Variants in SGCZ observed in about 807,000 individuals in gnomAD.
SGCZ encodes the protein zeta-sarcoglycan.
Under a neutral mutation model 41.3 loss-of-function variants are expected in SGCZ, and 40 were observed. That is an observed-to-expected ratio of 0.97 (90% CI 0.75 to 1.26). The LOEUF is 1.26. SGCZ is among the 50% of genes most tolerant of loss of function. The pLI, the probability that SGCZ is intolerant of heterozygous loss-of-function variation, is 0.00. For missense variants in SGCZ, 552 were observed against 369.8 expected (o/e 1.49, Z -4.04); for synonymous variants, 206 against 137.5 (o/e 1.50, Z -3.49).
At chr8:14,942,439 A>G (rs1056987948) in intron 1 of SGCZ, among the ~76,000 whole-genome samples, 3 of 152,150 alleles carry the variant, frequency 2.0e-5, no homozygotes, top group African/African-American at 4.8e-5. Context: ...TTAACAAACT[A>G]AAGAAATTGT....
intron 1 of SGCZ, among the ~76,000 whole-genome samples, chr8:14,702,177 T>C (rs1323127139): frequency 1.3e-5 from 2 of 152,012 alleles, no homozygotes; most frequent in Non-Finnish European, 2.9e-5. Context: ...AATAACACAG[T>C]TGACAGTTTT....
At chr8:14,110,805 C>A (rs149378059) in intron 5 of SGCZ, among the ~76,000 whole-genome samples, 8,018 of 152,128 alleles carry the variant, frequency 0.053, 270 homozygotes, top group Admixed American at 0.091. Context: ...GGAATCCCAG[C>A]ACTTTAGGAG....
intron 1 of SGCZ, among the ~76,000 whole-genome samples, chr8:15,220,932 A>T (rs1477031046): frequency 2.0e-5 from 3 of 152,046 alleles, no homozygotes; most frequent in Non-Finnish European, 4.4e-5. Context: ...CAAACACCAC[A>T]CGTTCTCACT....
chr8:14,352,258 C>G (rs1263592685), intron 2 of SGCZ, among the ~76,000 whole-genome samples: 3 of 151,908 alleles, frequency 2.0e-5, no homozygotes, highest in African/African-American at 7.3e-5. Context: ...GAATCAGTAT[C>G]AGCTACTGAG....
intron 3 of SGCZ, among the ~76,000 whole-genome samples, chr8:14,265,959 A>G (rs910498288): frequency 2.6e-5 from 4 of 152,026 alleles, no homozygotes; most frequent in African/African-American, 2.4e-5. Flanking sequence ...AGGAACAAAG[A>G]AAGTCTAGAG....
intron 2 of SGCZ, among the ~76,000 whole-genome samples, chr8:14,436,056 CATG>C (rs1800082014): frequency 6.6e-6 from 1 of 152,184 alleles, no homozygotes; most frequent in Admixed American, 6.5e-5. Flanking sequence ...GACCTATAGC[CATG>C]ATGAGAGATG....
intron 2 of SGCZ, among the ~76,000 whole-genome samples, chr8:14,386,498 CT>C (rs1804584013): frequency 6.6e-6 from 1 of 152,148 alleles, no homozygotes; most frequent in Non-Finnish European, 1.5e-5. Context: ...AATATACTTG[CT>C]CCAGCAGTTC....
At chr8:15,039,695 C>T (rs1464591750) in intron 1 of SGCZ, among the ~76,000 whole-genome samples, 2 of 152,200 alleles carry the variant, frequency 1.3e-5, no homozygotes, top group African/African-American at 4.8e-5. Context: ...ATTTCACTCA[C>T]TGACTATGAT....
chr8:14,530,596 T>C (rs1411107658), intron 2 of SGCZ, among the ~76,000 whole-genome samples: 1 of 152,112 alleles, frequency 6.6e-6, no homozygotes, highest in South Asian at 2.1e-4. Context: ...AGTAACACTG[T>C]ATGGTTCACT....
chr8:15,120,737 T>C (rs1185361473), intron 1 of SGCZ, among the ~76,000 whole-genome samples: 3 of 152,206 alleles, frequency 2.0e-5, no homozygotes, highest in Non-Finnish European at 4.4e-5. Flanking sequence ...ATCTCTTTTA[T>C]TTCTACTAGA....
At chr8:14,134,033 T>C (rs1231729272) in intron 5 of SGCZ, among the ~76,000 whole-genome samples, 2 of 152,214 alleles carry the variant, frequency 1.3e-5, no homozygotes, top group Non-Finnish European at 2.9e-5. Context: ...CAGAATATGA[T>C]AGAATCCAAT....
At chr8:14,555,703 G>C (rs825911) in intron 1 of SGCZ, among the ~76,000 whole-genome samples, 131,795 of 152,042 alleles carry the variant, frequency 0.87, 57,702 homozygotes, top group Middle Eastern at 0.92. Context: ...GAGAGACTGA[G>C]TCTACCACAA....
At chr8:14,377,974 G>C (rs1173672457) in intron 2 of SGCZ, among the ~76,000 whole-genome samples, 1 of 149,978 alleles carries the variant, frequency 6.7e-6, no homozygotes, top group Non-Finnish European at 1.5e-5. Flanking sequence ...ATTGTGAATA[G>C]TGCCGCAATA....
chr8:14,178,753 C>G (rs957920174), intron 4 of SGCZ, among the ~76,000 whole-genome samples: 2 of 152,126 alleles, frequency 1.3e-5, no homozygotes, highest in Non-Finnish European at 2.9e-5. Flanking sequence ...TCTAGGTTAT[C>G]ATGAATAATA....
At chr8:14,944,962 A>G (rs1285043626) in intron 1 of SGCZ, among the ~76,000 whole-genome samples, 1 of 152,266 alleles carries the variant, frequency 6.6e-6, no homozygotes, top group South Asian at 2.1e-4. Context: ...CTTTTAGGCA[A>G]CCTGCAGTAT....
At chr8:14,862,263 C>T (rs1001592361) in intron 1 of SGCZ, among the ~76,000 whole-genome samples, 1 of 151,700 alleles carries the variant, frequency 6.6e-6, no homozygotes, top group Non-Finnish European at 1.5e-5. Flanking sequence ...TAGTGATTAC[C>T]TACTTCTGAG....
intron 1 of SGCZ, among the ~76,000 whole-genome samples, chr8:14,582,181 C>T (rs1024344062): frequency 6.6e-6 from 1 of 151,814 alleles, no homozygotes; most frequent in Non-Finnish European, 1.5e-5. Flanking sequence ...ATATGTATAA[C>T]CTACAAAATA....
chr8:14,874,353 C>T (rs1804269589), intron 1 of SGCZ, among the ~76,000 whole-genome samples: 1 of 152,048 alleles, frequency 6.6e-6, no homozygotes, highest in Non-Finnish European at 1.5e-5. Flanking sequence ...CTAAATAGGA[C>T]TTGGCTCATA....
At chr8:14,654,199 T>C (rs11776399) in intron 1 of SGCZ, among the ~76,000 whole-genome samples, 32,186 of 150,224 alleles carry the variant, frequency 0.21, 3,862 homozygotes, top group South Asian at 0.35. Flanking sequence ...TTCAGTAAAA[T>C]AATGGGTAAC....
Sources: allele counts gnomAD v4.1 joint callset (sites outside exome capture counted in the v4.1 genomes callset), GRCh38; gene constraint gnomAD v4.1.1; transcripts MANE v1.5; gene names NCBI Gene and HGNC (gene_info 2026-07-23, HGNC 2026-07-21).